Variants in ATF7 observed in about 807,000 individuals in gnomAD.
ATF7 encodes the protein activating transcription factor 7, also known as cyclic AMP-dependent transcription factor ATF-7.
ATF7 carries 10 observed loss-of-function variants against 50.4 expected under a neutral mutation model. The observed-to-expected ratio is 0.20, with a 90% CI of 0.12 to 0.34. The LOEUF is 0.34. ATF7 is among the 10% of genes least tolerant of loss of function. ATF7 has a pLI of 1.00. For synonymous variants in ATF7, 201 were observed against 226.4 expected (o/e 0.89, Z 1.01); for missense variants, 465 against 613.9 (o/e 0.76, Z 2.56).
At chr12:53,599,671 T>C (rs1189624365) in intron 2 of ATF7, among the ~76,000 whole-genome samples, 1 of 152,152 alleles carries the variant, frequency 6.6e-6, no homozygotes, top group Non-Finnish European at 1.5e-5. Context: ...CCATTTTATC[T>C]ACCTCTCAAA....
At position 53,523,376 on chromosome 12, in the gene ATF7, G is replaced by C; in HGVS notation, c.1134C>G (p.Val378=). The C allele has an allele frequency of 6.2e-7, 1 of 1,612,036 alleles. No individual in the cohort carries two copies. The change falls in exon 11 of 12, where the codon GTC becomes GTG. Residue 378 remains valine (V), a synonymous_variant. Transcript: ENST00000420353. ...GGGCCACCTCATTGCGTAGTAATGT[G>C]ACTTCATTCTGAGGAGGGAGGGAAG... is the stretch of plus-strand genomic sequence containing the variant. The part of the protein sequence containing the change: ...TSQNIQLSNE[V]TLLRNEVAQL...
Position 53,524,653 on chromosome 12 carries a change from C to T in ATF7, c.1036G>A (p.Ala346Thr). 6.2e-7 allele frequency: 1 copy of T among 1,613,838 alleles called. No individual in the cohort carries two copies. Among genetic ancestry groups the T allele is most frequent in the Non-Finnish European group, 8.5e-7 (1 of 1,179,894 alleles). Residue 346 changes from alanine (A) to threonine (T), a missense_variant, in exon 10 of 12, where the codon GCC becomes ACC. By Grantham distance (58) the Ala-to-Thr change is moderately conservative. Coordinates refer to ENST00000420353, the MANE Select transcript of ATF7 (RefSeq NM_006856.3). The surrounding 1 kb of genome is among the most constrained non-coding windows in gnomAD (Gnocchi z 4.6). ...TTTCGCTTTTGGCGGCAGCGGGAGG[C>T]TGCAGCCCGGTTGCGCTCCAGAAAG... Reference protein sequence around the residue: ...QRFLERNRAAASRCRQKRKLW... With the variant: ...QRFLERNRAATSRCRQKRKLW...
At chr12:53,586,314 C>T (rs1472687874) in intron 2 of ATF7, among the ~76,000 whole-genome samples, 1 of 151,800 alleles carries the variant, frequency 6.6e-6, no homozygotes, top group Non-Finnish European at 1.5e-5. Context: ...CTCCGTTAGT[C>T]CTAAAAAATA....
Position 53,592,874 on chromosome 12 carries a change from A to T in ATF7, c.48+8079T>A, listed in dbSNP as rs548828691. 3.9e-5 allele frequency among the ~76,000 whole-genome samples: 6 copies of T among 152,352 alleles called. 1 individual carries two copies. The South Asian group carries it at 8.3e-4, about 21-fold the overall frequency. On this transcript the variant is annotated intron_variant, in intron 2 of 11. Coordinates refer to ENST00000420353, the MANE Select transcript of ATF7 (RefSeq NM_006856.3). ...ATAACCTTTTCACAAAAATTAATGG[A>T]AAGAGGACAAAAATAAAGATATTTT... is the stretch of plus-strand genomic sequence containing the variant.
chr12:53,594,887 CAAA>C (rs561674660), intron 2 of ATF7, among the ~76,000 whole-genome samples: 1 of 97,826 alleles, frequency 1.0e-5, no homozygotes. Flanking sequence ...GACCCCATCT[CAAA>C]AAAAAAAAAA....
intron 2 of ATF7, among the ~76,000 whole-genome samples, chr12:53,563,504 C>T (rs1218130796): frequency 6.6e-6 from 1 of 151,976 alleles, no homozygotes; most frequent in Non-Finnish European, 1.5e-5. Context: ...GCCTGTAGTC[C>T]CAACTAGGAA....
intron 2 of ATF7, among the ~76,000 whole-genome samples, chr12:53,588,961 T>G (rs1025029669): frequency 1.3e-5 from 2 of 152,158 alleles, no homozygotes; most frequent in African/African-American, 4.8e-5. Context: ...TGTTTTTTGC[T>G]CAGGCAGAGC....
chr12:53,624,651 A>G (rs1217053557), intron 1 of ATF7, among the ~76,000 whole-genome samples: 1 of 152,186 alleles, frequency 6.6e-6, no homozygotes. Context: ...CTTACCTTAC[A>G]ACTTCCATGT....
chr12:53,569,367 C>T (rs1941623558), intron 2 of ATF7, among the ~76,000 whole-genome samples: 1 of 152,180 alleles, frequency 6.6e-6, no homozygotes, highest in African/African-American at 2.4e-5. Context: ...ACACATCATG[C>T]TGTTTCATTC....
chr12:53,541,152 G>A (rs1939527674), intron 4 of ATF7, among the ~76,000 whole-genome samples: 1 of 152,142 alleles, frequency 6.6e-6, no homozygotes, highest in Non-Finnish European at 1.5e-5. Context: ...TAAACTGGAT[G>A]GAAAAGTCAT....
At chr12:53,623,318 C>G (rs1473954743) in intron 1 of ATF7, among the ~76,000 whole-genome samples, 1 of 152,124 alleles carries the variant, frequency 6.6e-6, no homozygotes, top group Non-Finnish European at 1.5e-5. Flanking sequence ...GGGAAGGCAA[C>G]ATGTCAAAAT....
At chr12:53,602,828 C>T (rs754158314) in intron 1 of ATF7, among the ~76,000 whole-genome samples, 4 of 151,922 alleles carry the variant, frequency 2.6e-5, no homozygotes, top group South Asian at 2.1e-4. Flanking sequence ...TTAGCACTTT[C>T]GGGAACTACA....
intron 3 of ATF7, among the ~76,000 whole-genome samples, chr12:53,551,948 CA>C (rs1940384930): frequency 6.6e-6 from 1 of 152,172 alleles, no homozygotes; most frequent in Non-Finnish European, 1.5e-5. Context: ...TTGAGAATGG[CA>C]TATACAAGCA....
chr12:53,608,514 T>A (rs763210274), intron 1 of ATF7, among the ~76,000 whole-genome samples: 1 of 152,170 alleles, frequency 6.6e-6, no homozygotes, highest in South Asian at 2.1e-4. Context: ...CCATTTTGAA[T>A]GCTTCCTAAC....
chr12:53,606,612 G>A (rs572958712), intron 1 of ATF7, among the ~76,000 whole-genome samples: 5 of 151,664 alleles, frequency 3.3e-5, no homozygotes, highest in South Asian at 2.1e-4. Context: ...TGTGCACAAC[G>A]TGCAGGTTTG....
intron 1 of ATF7, among the ~76,000 whole-genome samples, chr12:53,619,264 C>T (rs1036696084): frequency 3.3e-5 from 5 of 151,376 alleles, no homozygotes; most frequent in African/African-American, 1.2e-4. Context: ...CCCAGGTGGG[C>T]GCATCAACTG....
chr12:53,583,323 ATG>A (rs1302535868), intron 2 of ATF7, among the ~76,000 whole-genome samples: 1 of 151,850 alleles, frequency 6.6e-6, no homozygotes, highest in Non-Finnish European at 1.5e-5. Context: ...TGAACTGTGT[ATG>A]TGAGGGATCT....
chr12:53,559,204 T>A (rs1940933080), intron 2 of ATF7, among the ~76,000 whole-genome samples: 1 of 151,652 alleles, frequency 6.6e-6, no homozygotes, highest in Middle Eastern at 3.4e-3. Flanking sequence ...AATAAAGTCT[T>A]AAGATTTTTT....
chr12:53,524,808 C>G lies in ATF7; in HGVS notation c.928-47G>C. ...AGGTTACTTGATGGGAACATTAATC[C>G]TTTCCAAATCACACCTGATGTTAGG... is the stretch of plus-strand genomic sequence containing the variant. On this transcript the variant is annotated intron_variant, in intron 9 of 11. Transcript: ENST00000420353. This position sits in a 1 kb window ranked among gnomAD's most constrained non-coding sequence, Gnocchi z 4.6. 1 of 1,460,552 alleles carries G rather than the reference C, an allele frequency of 6.8e-7. No homozygotes were observed. The highest frequency in any genetic ancestry group is 2.4e-5 in the East Asian group (1 of 40,826). The allele number at this position is 1,460,552 out of a possible 1,614,324, so 90.5% of individuals were successfully genotyped here.
Sources: gnomAD v4.1 joint callset for allele counts (sites outside exome capture counted in the v4.1 genomes callset) on GRCh38, gnomAD v4.1.1 for gene constraint, Gnocchi (gnomAD v3.1) non-coding constraint, MANE v1.5 for transcripts, NCBI Gene and HGNC (gene_info 2026-07-23, HGNC 2026-07-21) for gene names.